The following URI1 variants were observed in gnomAD, a reference collection of about 807,000 sequenced individuals.
URI1 encodes unconventional prefoldin RPB5 interactor 1.
A neutral mutation model predicts 60.2 loss-of-function variants in URI1; 39 were observed. The ratio of observed to expected loss-of-function variants is 0.65; its 90% CI spans 0.50 to 0.85. URI1 has a LOEUF of 0.85. Among genes scored for constraint, URI1 ranks in the 40% least tolerant of loss-of-function variants. URI1 has a pLI of 0.00. For synonymous variants in URI1, 251 were observed against 236.8 expected, an observed-to-expected ratio of 1.06 and a Z score of -0.55; for missense variants, 691 against 665.9, an observed-to-expected ratio of 1.04 and a Z score of -0.42.
intron 2 of URI1, among the ~76,000 whole-genome samples, chr19:29,982,532 A>G (rs1347647039): frequency 6.6e-6 from 1 of 152,118 alleles, no homozygotes; most frequent in Non-Finnish European, 1.5e-5. Context: ...GTCCTTGAGC[A>G]TTTGCAGAAT....
intron 4 of URI1, among the ~76,000 whole-genome samples, chr19:29,989,707 G>T (rs975827009): frequency 6.6e-6 from 1 of 151,876 alleles, no homozygotes; most frequent in Non-Finnish European, 1.5e-5. Flanking sequence ...AAAGTGCTGA[G>T]ATTACAGGTA....
At chr19:29,960,510 A>G (rs1395048569) in intron 1 of URI1, among the ~76,000 whole-genome samples, 1 of 152,116 alleles carries the variant, frequency 6.6e-6, no homozygotes, top group Non-Finnish European at 1.5e-5. Context: ...CCTTTTCACC[A>G]TTCTGAGATA....
intron 1 of URI1, among the ~76,000 whole-genome samples, chr19:29,924,160 G>A (rs369040933): frequency 1.1e-3 from 161 of 152,220 alleles, no homozygotes; most frequent in Admixed American, 1.2e-3. Flanking sequence ...ATTGGTGAGG[G>A]CAGATGTTTT....
At chr19:29,942,085 A>G (rs2055031183), upstream of URI1, among the ~76,000 whole-genome samples, 3 of 150,712 alleles carry the variant, frequency 2.0e-5, no homozygotes, top group South Asian at 6.3e-4. Flanking sequence ...GTAAGCTTCC[A>G]GAGGGATACA....
intron 1 of URI1, among the ~76,000 whole-genome samples, chr19:29,951,610 G>T (rs965614291): frequency 2.6e-5 from 4 of 150,994 alleles, no homozygotes; most frequent in African/African-American, 9.8e-5. Context: ...GCGGTGGCAC[G>T]ATCTTGGCTC....
intron 2 of URI1, among the ~76,000 whole-genome samples, chr19:29,984,833 T>A (rs2055642403): frequency 6.6e-6 from 1 of 151,982 alleles, no homozygotes; most frequent in African/African-American, 2.4e-5. Flanking sequence ...ATAAAGCTTT[T>A]GAGTGAGGCC....
chr19:30,015,359 C>G lies in URI1; in HGVS notation c.*290C>G. On this transcript the variant is annotated 3_prime_UTR_variant, in exon 11 of 11. Transcript: ENST00000392271. The stretch of plus-strand genomic sequence containing the variant: ...GAATTACTTTTCAAAGAATACTGTT[C>G]ATATGCATTGTTTTTGTGTTTCAAA... 1 of 1,431,372 alleles carries G rather than the reference C, an allele frequency of 7.0e-7. No individual in the cohort carries two copies. The highest frequency in any genetic ancestry group is 9.1e-7 in the Non-Finnish European group (1 of 1,100,898). The allele number at this position is 1,431,372 out of a possible 1,614,324, so 88.7% of individuals were successfully genotyped here. A position where few individuals can be genotyped will look rare whatever the true frequency, so the allele number is the denominator to read the frequency against.
chr19:30,013,204 A>C (rs921025705), intron 10 of URI1, among the ~76,000 whole-genome samples: 3 of 152,214 alleles, frequency 2.0e-5, no homozygotes, highest in African/African-American at 7.2e-5. Flanking sequence ...GAAGTTTTCA[A>C]TTTAAAAAGT....
intron 1 of URI1, among the ~76,000 whole-genome samples, chr19:29,945,748 G>T (rs540757678): frequency 1.4e-4 from 22 of 152,212 alleles, no homozygotes; most frequent in African/African-American, 4.6e-4. Flanking sequence ...TATGTATAGG[G>T]TGGTTCCAGT....
intron 1 of URI1, among the ~76,000 whole-genome samples, chr19:29,969,247 G>A (rs956318326): frequency 2.0e-5 from 3 of 152,080 alleles, no homozygotes; most frequent in Admixed American, 6.6e-5. Flanking sequence ...TTTGTTGTTC[G>A]TCTATCTTCC....
intron 1 of URI1, among the ~76,000 whole-genome samples, chr19:29,944,056 T>C (rs1192846820): frequency 4.8e-5 from 7 of 146,582 alleles, no homozygotes; most frequent in Non-Finnish European, 7.5e-5. Flanking sequence ...AGAGGATCAC[T>C]TGAGCTCAGG....
chr19:30,008,270 A>G (rs1364865399), intron 7 of URI1, among the ~76,000 whole-genome samples: 1 of 152,168 alleles, frequency 6.6e-6, no homozygotes, highest in Non-Finnish European at 1.5e-5. Flanking sequence ...GATGTACCAT[A>G]TGCAATAATT....
At chr19:29,985,374 A>C in intron 3 of URI1, 73 bp downstream of exon 3, 2 of 1,320,338 alleles carry the variant, frequency 1.5e-6, no homozygotes, top group Non-Finnish European at 2.2e-6. Context: ...CGGTTCACAG[A>C]ATGTCAGGCT....
Position 29,994,788 on chromosome 19 carries a change from T to C in URI1, c.367+8371T>C, listed in dbSNP as rs2055790693. Among the ~76,000 whole-genome samples the C allele has an allele frequency of 2.6e-5, 4 of 151,550 alleles. No individual in the cohort carries two copies. In the South Asian group the frequency reaches 8.3e-4, roughly 32 times the overall value. ...CATATGGAAATTCTGTGGATTTTTT[T>C]TTTTTTTTTTGAGGCAGGGTCTCAC... On this transcript the variant is annotated intron_variant, in intron 4 of 10. Coordinates refer to ENST00000392271, the MANE Select transcript of URI1 (RefSeq NM_003796.3).
chr19:29,938,476 A>C (rs112038309), upstream of URI1, among the ~76,000 whole-genome samples: 1 of 152,088 alleles, frequency 6.6e-6, no homozygotes, highest in Non-Finnish European at 1.5e-5. Flanking sequence ...CACTTCCAAC[A>C]TTAGGGATCA....
In URI1 at chr19:29,942,494, T is replaced by C. The variant is rs978606559; in HGVS notation, c.-54T>C. The C allele has an allele frequency of 9.5e-6, 11 of 1,154,120 alleles. No homozygotes were observed. Among genetic ancestry groups the C allele is most frequent in the Non-Finnish European group, 1.2e-5 (11 of 937,536 alleles). 71.5% of individuals were successfully genotyped at this position (1,154,120 alleles called of 1,614,324 possible). ...CTGGGCAACTGCCGGCCGCGCCGCCTGCGCAGGCGCTGGTTCAGGACTCAC... is the reference window on the plus strand; with the variant it reads ...CTGGGCAACTGCCGGCCGCGCCGCCCGCGCAGGCGCTGGTTCAGGACTCAC... On this transcript the variant is annotated 5_prime_UTR_variant, in exon 1 of 11. Transcript: ENST00000392271.
intron 1 of URI1, chr19:29,925,681 A>T (rs1244186314): frequency 1.3e-5 from 2 of 152,262 alleles, no homozygotes; most frequent in African/African-American, 4.8e-5. Context: ...TGTGTGACTT[A>T]CACAGGGCTG....
chr19:30,007,774 C>G (rs2055963812), intron 7 of URI1, 136 bp downstream of exon 7: 2 of 717,860 alleles, frequency 2.8e-6, no homozygotes. Context: ...ATCAATAATC[C>G]TTTCACCTCA....
chr19:29,957,685 G>C (rs1474580411), intron 1 of URI1, among the ~76,000 whole-genome samples: 1 of 152,130 alleles, frequency 6.6e-6, no homozygotes. Flanking sequence ...CTGGGGTTTT[G>C]CTTGGAGTGC....
Sources: gnomAD v4.1 joint callset for allele counts (sites outside exome capture counted in the v4.1 genomes callset) on GRCh38, gnomAD v4.1.1 for gene constraint, MANE v1.5 for transcripts, NCBI Gene and HGNC (gene_info 2026-07-23, HGNC 2026-07-21) for gene names.